The following CNTNAP2 variants were observed in gnomAD, a reference collection of about 807,000 sequenced individuals.
CNTNAP2 encodes the protein contactin-associated protein-like 2.
Under a neutral mutation model 155.2 loss-of-function variants are expected in CNTNAP2, and 98 were observed. The ratio of observed to expected loss-of-function variants is 0.63; its 90% confidence interval spans 0.54 to 0.75. The LOEUF (loss-of-function observed/expected upper bound fraction) is 0.75. CNTNAP2 is among the 30% of genes least tolerant of loss of function. The pLI, the probability that CNTNAP2 is intolerant of heterozygous loss-of-function variation, is 0.00. For synonymous variants in CNTNAP2, 651 were observed against 631.2 expected, an observed-to-expected ratio of 1.03 and a Z score of -0.47; for missense variants, 1,727 against 1,688.1, an observed-to-expected ratio of 1.02 and a Z score of -0.40.
At chr7:146,901,430 G>A (rs139735520) in intron 3 of CNTNAP2, among the ~76,000 whole-genome samples, 175 of 152,268 alleles carry the variant, frequency 1.1e-3, no homozygotes, top group African/African-American at 3.3e-3. Context: ...TGAATACATG[G>A]ATGAATACAC....
At chr7:146,455,440 A>G (rs561130343) in intron 1 of CNTNAP2, among the ~76,000 whole-genome samples, 2 of 152,156 alleles carry the variant, frequency 1.3e-5, no homozygotes, top group Non-Finnish European at 1.5e-5. Context: ...CAAAATGTGG[A>G]CCAGATGTTG....
At chr7:147,534,629 A>C (rs1367716056) in intron 11 of CNTNAP2, among the ~76,000 whole-genome samples, 2 of 152,194 alleles carry the variant, frequency 1.3e-5, no homozygotes, top group Non-Finnish European at 2.9e-5. Context: ...TTTCATAAAA[A>C]ATAAATCTTT....
At chr7:146,575,262 G>A (rs997399693) in intron 1 of CNTNAP2, among the ~76,000 whole-genome samples, 14 of 151,992 alleles carry the variant, frequency 9.2e-5, no homozygotes, top group South Asian at 2.1e-4. Flanking sequence ...GATTACAGGC[G>A]TGCACCACCA....
chr7:147,275,362 G>T (rs1330202411), intron 8 of CNTNAP2, among the ~76,000 whole-genome samples: 1 of 151,598 alleles, frequency 6.6e-6, no homozygotes, highest in Admixed American at 6.6e-5. Flanking sequence ...TTCTTGTAAA[G>T]ATCTTTCACC....
chr7:147,907,548 G>C (rs1359315260), intron 14 of CNTNAP2, among the ~76,000 whole-genome samples: 1 of 152,058 alleles, frequency 6.6e-6, no homozygotes, highest in Non-Finnish European at 1.5e-5. Flanking sequence ...AAGCTCTCAG[G>C]GGCAGTGAAG....
intron 15 of CNTNAP2, among the ~76,000 whole-genome samples, chr7:148,035,162 A>T (rs2116468693): frequency 6.6e-6 from 1 of 152,352 alleles, no homozygotes; most frequent in African/African-American, 2.4e-5. Context: ...GAGCAGAAAG[A>T]TTTGGGAAAT....
At chr7:147,365,359 A>G (rs889204156) in intron 9 of CNTNAP2, among the ~76,000 whole-genome samples, 5 of 137,832 alleles carry the variant, frequency 3.6e-5, no homozygotes, top group Admixed American at 1.6e-4. Flanking sequence ...TGGGCAGCAG[A>G]GGAGAGACAC....
intron 1 of CNTNAP2, among the ~76,000 whole-genome samples, chr7:146,179,211 G>C (rs552322772): frequency 6.6e-6 from 1 of 152,262 alleles, no homozygotes; most frequent in African/African-American, 2.4e-5. Flanking sequence ...TGAAAGCTAT[G>C]ATCAGATGAA....
intron 15 of CNTNAP2, among the ~76,000 whole-genome samples, chr7:147,992,313 C>T (rs892807481): frequency 6.6e-6 from 1 of 151,828 alleles, no homozygotes; most frequent in African/African-American, 2.4e-5. Context: ...AGTTTCACCA[C>T]ATTGGCCAGG....
chr7:148,193,078 C>T (rs1416145602), intron 18 of CNTNAP2, among the ~76,000 whole-genome samples: 1 of 152,100 alleles, frequency 6.6e-6, no homozygotes, highest in African/African-American at 2.4e-5. Context: ...AGAGGATTTT[C>T]ACCTAGTATT....
chr7:147,294,024 T>C (rs1563149380), intron 8 of CNTNAP2, among the ~76,000 whole-genome samples: 1 of 152,176 alleles, frequency 6.6e-6, no homozygotes, highest in African/African-American at 2.4e-5. Flanking sequence ...ACTTTTATCA[T>C]TACGAATTAT....
intron 3 of CNTNAP2, among the ~76,000 whole-genome samples, chr7:147,017,406 AATTATTGT>A (rs1424099895): frequency 1.3e-5 from 2 of 152,034 alleles, no homozygotes; most frequent in African/African-American, 2.4e-5. Context: ...TAGCAATTGT[AATTATTGT>A]ATTGTGATGT....
intron 1 of CNTNAP2, among the ~76,000 whole-genome samples, chr7:146,161,195 G>A (rs570183146): frequency 4.6e-5 from 7 of 152,264 alleles, no homozygotes; most frequent in East Asian, 3.9e-4. Flanking sequence ...TTGATGGGAC[G>A]TATCTCAAAA....
At position 148,415,734 on chromosome 7, in the gene CNTNAP2, G is replaced by T; in HGVS notation, c.*118G>T. The T allele has an allele frequency of 8.6e-7, 1 of 1,158,284 alleles. No individual in the cohort carries two copies. Among genetic ancestry groups the T allele is most frequent in the Non-Finnish European group, 1.3e-6 (1 of 790,834 alleles). 71.8% of individuals were successfully genotyped at this position (1,158,284 alleles called of 1,614,324 possible). ...TCCTTAAAATATCAGCACAAGTTGG[G>T]GGAGGCAGGCAATGGAATATAATGG... is the stretch of plus-strand genomic sequence containing the variant. On this transcript the variant is annotated 3_prime_UTR_variant, in exon 24 of 24. Coordinates refer to ENST00000361727, the MANE Select transcript of CNTNAP2 (RefSeq NM_014141.6).
At chr7:147,798,854 A>T (rs1797943556) in intron 13 of CNTNAP2, among the ~76,000 whole-genome samples, 1 of 152,214 alleles carries the variant, frequency 6.6e-6, no homozygotes, top group Non-Finnish European at 1.5e-5. Flanking sequence ...GAACATAGTA[A>T]CTGAGAGTGT....
intron 2 of CNTNAP2, among the ~76,000 whole-genome samples, chr7:146,783,485 A>G (rs1802524136): frequency 6.6e-6 from 1 of 152,218 alleles, no homozygotes; most frequent in South Asian, 2.1e-4. Flanking sequence ...ATAAAATTAA[A>G]TGTGTAATAC....
At chr7:146,454,621 T>C (rs1317631285) in intron 1 of CNTNAP2, among the ~76,000 whole-genome samples, 1 of 151,758 alleles carries the variant, frequency 6.6e-6, no homozygotes, top group Non-Finnish European at 1.5e-5. Context: ...CATAATAGTA[T>C]ATATAAAAAT....
Position 147,189,966 on chromosome 7 carries a change from C to G in CNTNAP2, c.1348+57457C>G, listed in dbSNP as rs550489123. Among the ~76,000 whole-genome samples, 29 of 152,164 alleles carry G rather than the reference C, an allele frequency of 1.9e-4. 1 individual carries two copies. The highest frequency in any genetic ancestry group is 1.7e-3 in the South Asian group (8 of 4,828). ...TCACCGTGTTAGCCAGGATGATCTC[C>G]ATCTCTTGACCTCGTGATCCACCCG... On this transcript the variant is annotated intron_variant, in intron 8 of 23. Coordinates refer to ENST00000361727, the MANE Select transcript of CNTNAP2 (RefSeq NM_014141.6).
At chr7:146,650,400 G>T (rs536959829) in intron 1 of CNTNAP2, among the ~76,000 whole-genome samples, 2 of 152,092 alleles carry the variant, frequency 1.3e-5, no homozygotes, top group East Asian at 1.9e-4. Context: ...GCAGGGACAC[G>T]GGTGAAGCTG....
Sources: allele counts gnomAD v4.1 joint callset (sites outside exome capture counted in the v4.1 genomes callset), GRCh38; gene constraint gnomAD v4.1.1; transcripts MANE v1.5; gene names NCBI Gene and HGNC (gene_info 2026-07-23, HGNC 2026-07-21).